The following TMEM65 variants were observed in gnomAD, a reference collection of about 807,000 sequenced individuals.
The protein encoded by TMEM65 is transmembrane protein 65.
In TMEM65, 22 loss-of-function variants were observed where a neutral mutation model predicts 25.4. The observed-to-expected ratio is 0.86, with a 90% CI of 0.62 to 1.23. The LOEUF is 1.23. Among genes scored for constraint, TMEM65 ranks in the 50% most tolerant of loss-of-function variants. The pLI, the probability that TMEM65 is intolerant of heterozygous loss-of-function variation, is 0.00. For missense variants in TMEM65, 262 were observed against 308.2 expected, an observed-to-expected ratio of 0.85 and a Z score of 1.12; for synonymous variants, 132 against 126.2, an observed-to-expected ratio of 1.05 and a Z score of -0.31.
chr8:124,365,118 T>G (rs1269435381), intron 1 of TMEM65, among the ~76,000 whole-genome samples: 1 of 152,198 alleles, frequency 6.6e-6, no homozygotes, highest in African/African-American at 2.4e-5. Context: ...TTACTTCAAT[T>G]TTCCTATCCA....
intron 1 of TMEM65, among the ~76,000 whole-genome samples, chr8:124,364,647 G>T (rs1015824650): frequency 6.6e-6 from 1 of 152,180 alleles, no homozygotes; most frequent in Non-Finnish European, 1.5e-5. Context: ...CAAAGTAAAT[G>T]TCTCAGAGCT....
chr8:124,336,850 T>C (rs947241252), intron 1 of TMEM65, among the ~76,000 whole-genome samples: 1 of 151,846 alleles, frequency 6.6e-6, no homozygotes, highest in African/African-American at 2.4e-5. Flanking sequence ...AATTGGTTCT[T>C]TGAAAAGATC....
intron 1 of TMEM65, among the ~76,000 whole-genome samples, chr8:124,368,019 A>C (rs547329185): frequency 6.6e-6 from 1 of 152,188 alleles, no homozygotes; most frequent in Non-Finnish European, 1.5e-5. Context: ...TTTTCAAAAC[A>C]TATCTCTCAT....
intron 1 of TMEM65, among the ~76,000 whole-genome samples, chr8:124,334,540 TG>T (rs1814479413): frequency 6.6e-6 from 1 of 151,682 alleles, no homozygotes; most frequent in African/African-American, 2.4e-5. Context: ...CCAAGGTGGG[TG>T]GGTCACAAGG....
chr8:124,338,681 T>C (rs1814542496), intron 1 of TMEM65, among the ~76,000 whole-genome samples: 1 of 152,206 alleles, frequency 6.6e-6, no homozygotes, highest in Non-Finnish European at 1.5e-5. Flanking sequence ...ATCTCCTCTT[T>C]ATTATACTTC....
At chr8:124,344,101 T>C (rs760969320) in intron 1 of TMEM65, among the ~76,000 whole-genome samples, 24 of 152,208 alleles carry the variant, frequency 1.6e-4, no homozygotes, top group Admixed American at 3.3e-4. Context: ...CTGCCTGTTG[T>C]GCACCTCCAA....
chr8:124,348,062 G>A (rs1054565801), intron 1 of TMEM65, among the ~76,000 whole-genome samples: 2 of 139,618 alleles, frequency 1.4e-5, no homozygotes, highest in African/African-American at 2.8e-5. Context: ...GGCAGTAGCC[G>A]GGATTACAGG....
At chr8:124,353,209 T>G (rs1814735888) in intron 1 of TMEM65, among the ~76,000 whole-genome samples, 2 of 152,090 alleles carry the variant, frequency 1.3e-5, no homozygotes, top group African/African-American at 4.8e-5. Flanking sequence ...AGGGTGTCAG[T>G]GCCCAAGTTG....
intron 1 of TMEM65, among the ~76,000 whole-genome samples, chr8:124,341,874 T>C (rs1281887581): frequency 6.6e-6 from 1 of 151,936 alleles, no homozygotes. Context: ...CCTTGAAACA[T>C]CTCGTATATA....
intron 1 of TMEM65, chr8:124,351,165 TAATA>T (rs995412299): frequency 1.1e-6 from 1 of 925,032 alleles, no homozygotes; most frequent in Non-Finnish European, 1.3e-6. Context: ...ACAAAATAAA[TAATA>T]TATATATAAA....
At position 124,307,812 on chromosome 8, in the gene TMEM65, T is replaced by C. The variant is rs1292736101; in HGVS notation, c.*6148A>G. 6 of 152,116 alleles carry C rather than the reference T, an allele frequency of 3.9e-5. No individual in the cohort carries two copies. The East Asian group carries it at 1.2e-3, about 29-fold the overall frequency. 9.4% of individuals were successfully genotyped at this position (152,116 alleles called of 1,614,324 possible). ...TCCCAGATGCCATTAAGAAAATCATTGAGGAGAAAGCATATCTACCAAAAC... is the reference window on the plus strand; with the variant it reads ...TCCCAGATGCCATTAAGAAAATCATCGAGGAGAAAGCATATCTACCAAAAC... On this transcript the variant is annotated 3_prime_UTR_variant, in exon 7 of 7. Coordinates refer to ENST00000297632, the MANE Select transcript of TMEM65 (RefSeq NM_194291.3).
chr8:124,339,120 C>A (rs141419489), intron 1 of TMEM65, among the ~76,000 whole-genome samples: 5 of 139,988 alleles, frequency 3.6e-5, no homozygotes, highest in Admixed American at 7.5e-5. Context: ...ACCTCAGAGG[C>A]AGAGCTTGCG....
At chr8:124,332,573 A>G (rs1814445313) in intron 1 of TMEM65, among the ~76,000 whole-genome samples, 1 of 152,166 alleles carries the variant, frequency 6.6e-6, no homozygotes, top group South Asian at 2.1e-4. Flanking sequence ...CTTTCCTACT[A>G]CACATAAAAA....
chr8:124,342,343 C>A (rs1012443583), intron 1 of TMEM65, among the ~76,000 whole-genome samples: 2 of 152,002 alleles, frequency 1.3e-5, no homozygotes, highest in Non-Finnish European at 2.9e-5. Context: ...TGGACTGAGT[C>A]CAAGAACTCT....
chr8:124,326,901 AC>A (rs1814371924), intron 3 of TMEM65, among the ~76,000 whole-genome samples: 1 of 152,028 alleles, frequency 6.6e-6, no homozygotes, highest in Non-Finnish European at 1.5e-5. Context: ...TTGAATTGAA[AC>A]TTTAAACAAT....
intron 1 of TMEM65, among the ~76,000 whole-genome samples, chr8:124,334,763 CAAA>C (rs34202764): frequency 1.7e-4 from 15 of 86,030 alleles, no homozygotes; most frequent in Non-Finnish European, 1.5e-4. Context: ...GACTCCGTCT[CAAA>C]AAAAAAAAAA....
At chr8:124,346,980 C>G (rs1814646685) in intron 1 of TMEM65, among the ~76,000 whole-genome samples, 3 of 152,068 alleles carry the variant, frequency 2.0e-5, no homozygotes, top group Non-Finnish European at 4.4e-5. Context: ...AAAATGCAAA[C>G]CATGTTATAA....
chr8:124,364,638 A>T (rs1814915188), intron 1 of TMEM65, among the ~76,000 whole-genome samples: 1 of 152,232 alleles, frequency 6.6e-6, no homozygotes, highest in South Asian at 2.1e-4. Flanking sequence ...AAAAGCAATC[A>T]AAGTAAATGT....
chr8:124,332,553 T>C (rs1000619469), intron 1 of TMEM65, among the ~76,000 whole-genome samples: 14 of 152,114 alleles, frequency 9.2e-5, no homozygotes, highest in Non-Finnish European at 1.8e-4. Context: ...TAATCAATAT[T>C]CCTTTCTTTC....
Sources: allele counts gnomAD v4.1 joint callset (sites outside exome capture counted in the v4.1 genomes callset), GRCh38; gene constraint gnomAD v4.1.1; transcripts MANE v1.5; gene names NCBI Gene and HGNC (gene_info 2026-07-23, HGNC 2026-07-21).